The following DOCK2 variants were observed in gnomAD, a reference collection of about 807,000 sequenced individuals.
The protein encoded by DOCK2 is dedicator of cytokinesis protein 2.
In DOCK2, 87 loss-of-function variants were observed where a neutral mutation model predicts 248.9. That is an observed-to-expected ratio of 0.35 (90% confidence interval 0.29 to 0.42). The LOEUF is 0.42. Among genes scored for constraint, DOCK2 ranks in the 10% least tolerant of loss-of-function variants. DOCK2 has a pLI of 1.00. For synonymous variants in DOCK2, 805 were observed against 821.6 expected, an observed-to-expected ratio of 0.98 and a Z score of 0.35; for missense variants, 1,747 against 2,300.2, an observed-to-expected ratio of 0.76 and a Z score of 4.92.
intron 25 of DOCK2, among the ~76,000 whole-genome samples, chr5:169,785,285 G>A (rs62384790): frequency 0.13 from 20,150 of 152,122 alleles, 1,651 homozygotes; most frequent in Non-Finnish European, 0.18. Context: ...AACTGATGCT[G>A]TATTTTAAGA....
rs71605727 is a variant in DOCK2, at chr5:169,779,640, G to A, written c.2554+18015G>A. Reference sequence around the variant, plus strand: ...TTCTGCCCCACCAGCTTCTAGCTATGCAGGTCCAGCCATCTCCCTGTCCGT... The same window carrying A: ...TTCTGCCCCACCAGCTTCTAGCTATACAGGTCCAGCCATCTCCCTGTCCGT... On this transcript the variant is annotated intron_variant, in intron 25 of 51. Coordinates refer to ENST00000520908, the MANE Select transcript of DOCK2 (RefSeq NM_004946.3). Among the ~76,000 whole-genome samples, 361 of 152,266 alleles carry A rather than the reference G, an allele frequency of 2.4e-3. 1 individual carries two copies. The highest frequency in any genetic ancestry group is 3.9e-3 in the Non-Finnish European group (264 of 68,024).
chr5:169,676,661 G>T (rs1025386300), intron 6 of DOCK2, among the ~76,000 whole-genome samples: 1 of 148,954 alleles, frequency 6.7e-6, no homozygotes, highest in Admixed American at 6.6e-5. Context: ...TCTGGGCCAA[G>T]TGTCAGGATC....
At chr5:169,890,967 G>T (rs1210459807) in intron 27 of DOCK2, among the ~76,000 whole-genome samples, 2 of 152,046 alleles carry the variant, frequency 1.3e-5, no homozygotes, top group African/African-American at 2.4e-5. Flanking sequence ...CCCTGCAAAG[G>T]TGTCCCACTA....
At chr5:170,051,850 G>A (rs1053186709) in intron 41 of DOCK2, among the ~76,000 whole-genome samples, 1 of 152,220 alleles carries the variant, frequency 6.6e-6, no homozygotes, top group African/African-American at 2.4e-5. Flanking sequence ...GGAGGAAGGA[G>A]GCAGAGAAGT....
chr5:169,637,859 G>A (rs977821034), intron 1 of DOCK2, among the ~76,000 whole-genome samples: 9 of 152,300 alleles, frequency 5.9e-5, no homozygotes, highest in African/African-American at 2.2e-4. Flanking sequence ...AGGGCATCCA[G>A]AGGGCAGCTC....
chr5:169,833,180 A>G (rs1769337869), intron 26 of DOCK2, among the ~76,000 whole-genome samples: 1 of 152,088 alleles, frequency 6.6e-6, no homozygotes, highest in Admixed American at 6.5e-5. Context: ...GAAACCTTAG[A>G]CATTTACATG....
chr5:169,701,898 A>C (rs1760991059), intron 13 of DOCK2, among the ~76,000 whole-genome samples: 1 of 152,116 alleles, frequency 6.6e-6, no homozygotes, highest in Admixed American at 6.6e-5. Context: ...GACACATGGA[A>C]AGTTGCTCTA....
chr5:169,780,875 A>T (rs1339923353), intron 25 of DOCK2, among the ~76,000 whole-genome samples: 1 of 152,270 alleles, frequency 6.6e-6, no homozygotes, highest in East Asian at 1.9e-4. Context: ...CTAACTTAAA[A>T]TATCACCATA....
intron 1 of DOCK2, among the ~76,000 whole-genome samples, chr5:169,650,166 G>A (rs1757719708): frequency 6.6e-6 from 1 of 152,148 alleles, no homozygotes; most frequent in Non-Finnish European, 1.5e-5. Flanking sequence ...CTAGCACCCA[G>A]TAGGTACTAC....
chr5:169,987,993 G>A (rs1479630595), intron 29 of DOCK2, among the ~76,000 whole-genome samples: 2 of 152,148 alleles, frequency 1.3e-5, no homozygotes, highest in Non-Finnish European at 1.5e-5. Context: ...ATTGCTTTGT[G>A]TGTACGAGGA....
chr5:169,841,140 T>C (rs1769942365), intron 27 of DOCK2, among the ~76,000 whole-genome samples: 1 of 152,186 alleles, frequency 6.6e-6, no homozygotes, highest in Non-Finnish European at 1.5e-5. Flanking sequence ...GAGCAGCTTT[T>C]GTAAGTAAAC....
intron 26 of DOCK2, among the ~76,000 whole-genome samples, chr5:169,840,026 G>A (rs1435558136): frequency 2.0e-5 from 3 of 152,150 alleles, no homozygotes; most frequent in Non-Finnish European, 2.9e-5. Context: ...CTGTTCTTGC[G>A]CTGCTATAAA....
intron 33 of DOCK2, among the ~76,000 whole-genome samples, chr5:170,022,571 C>G (rs1755766944): frequency 6.6e-6 from 1 of 152,048 alleles, no homozygotes; most frequent in Admixed American, 6.5e-5. Flanking sequence ...CACATGATTC[C>G]CTTGGTGGGG....
In DOCK2 at chr5:169,717,404, T is replaced by C. The variant is rs1319872575; in HGVS notation, c.2052T>C (p.Ile684=). The C allele has an allele frequency of 8.1e-6, 13 of 1,613,858 alleles. No homozygotes were observed. The highest frequency in any genetic ancestry group is 1.1e-5 in the Non-Finnish European group (13 of 1,179,784). ...FDALIYIIGL[I]ADRKFQHFNT... ...CTCAGATTTACATAATAGGACTCAT[T>C]GCAGACCGGAAATTTCAGCATTTCA... Residue 684 remains isoleucine (I), a synonymous_variant, in exon 21 of 52, where the codon ATT becomes ATC. Transcript: ENST00000520908.
At chr5:169,672,706 T>C (rs1445439410) in intron 5 of DOCK2, among the ~76,000 whole-genome samples, 2 of 152,162 alleles carry the variant, frequency 1.3e-5, no homozygotes. Context: ...CAGTCGCAAG[T>C]CCTGGGTTCC....
At position 169,698,450 on chromosome 5, in the gene DOCK2, G is replaced by A. The variant is rs1429834722; in HGVS notation, c.1055+1G>A. The A allele has an allele frequency of 4.3e-6, 7 of 1,613,894 alleles. No individual in the cohort carries two copies. Among genetic ancestry groups the A allele is most frequent in the Non-Finnish European group, 5.1e-6 (6 of 1,179,826 alleles). On this transcript the variant is annotated splice_donor_variant, in intron 11 of 51. Transcript: ENST00000520908. LOFTEE classifies it high-confidence loss of function. ...AGCAGCACTTCATTCCTTTTCACCC[G>A]TAAGACATTTCCCATTTCTTTCCAT... is the stretch of plus-strand genomic sequence containing the variant.
In DOCK2 at chr5:169,834,866, CAG is replaced by C. The variant is rs527893352; in HGVS notation, c.2704-5889_2704-5888del. Among the ~76,000 whole-genome samples, 22 of 152,274 alleles carry C rather than the reference CAG, an allele frequency of 1.4e-4. No homozygotes were observed. In the East Asian group the frequency reaches 4.2e-3, roughly 29 times the overall value. ...AGAAGAGAGAGTGAAAACAAGCAAA[CAG>C]AAGCAAATCTACTTGGAGGACACAG... On this transcript the variant is annotated intron_variant, in intron 26 of 51. Transcript: ENST00000520908.
chr5:169,828,382 TG>T (rs567000238), intron 26 of DOCK2, among the ~76,000 whole-genome samples: 320 of 152,326 alleles, frequency 2.1e-3, no homozygotes, highest in Middle Eastern at 0.02. Context: ...AGGCATAGGC[TG>T]CTGTATGTTT....
intron 46 of DOCK2, among the ~76,000 whole-genome samples, chr5:170,069,784 C>T (rs978258674): frequency 5.9e-5 from 9 of 152,212 alleles, no homozygotes; most frequent in East Asian, 1.9e-4. Context: ...CCTGCTGTTT[C>T]GGGCTGGCCA....
Sources: allele counts gnomAD v4.1 joint callset (sites outside exome capture counted in the v4.1 genomes callset), GRCh38; gene constraint gnomAD v4.1.1; transcripts MANE v1.5; gene names NCBI Gene and HGNC (gene_info 2026-07-23, HGNC 2026-07-21).